The following GPC6 variants were observed in gnomAD, a reference collection of about 807,000 sequenced individuals.
GPC6 encodes the protein glypican 6.
In GPC6, 14 loss-of-function variants were observed where a neutral mutation model predicts 55.2. The observed-to-expected ratio is 0.25, with a 90% CI of 0.17 to 0.40. The LOEUF (loss-of-function observed/expected upper bound fraction) is 0.40. Among genes scored for constraint, GPC6 ranks in the 10% least tolerant of loss-of-function variants. The pLI is 1.00. For missense variants in GPC6, 641 were observed against 708.5 expected (o/e 0.90, Z 1.08); for synonymous variants, 278 against 259.6 (o/e 1.07, Z -0.68).
Position 93,453,730 on chromosome 13 carries a change from C to T in GPC6, c.161-91533C>T, listed in dbSNP as rs144889247. Among the ~76,000 whole-genome samples, 1,442 of 151,732 alleles carry T rather than the reference C, an allele frequency of 9.5e-3. 24 individuals carry two copies. The highest frequency in any genetic ancestry group is 0.033 in the African/African-American group (1,367 of 41,364). On this transcript the variant is annotated intron_variant, in intron 1 of 8. Coordinates refer to ENST00000377047, the MANE Select transcript of GPC6 (RefSeq NM_005708.5). ...TGCGTCTGGAGTTGTTCGTTCCTCC[C>T]GGTGGGCTCGTGGTCTGGCTGACTT...
intron 1 of GPC6, among the ~76,000 whole-genome samples, chr13:93,382,005 A>T (rs548340930): frequency 1.3e-5 from 2 of 152,176 alleles, no homozygotes; most frequent in Non-Finnish European, 2.9e-5. Flanking sequence ...GTCCAATTTG[A>T]ATTTACTTTA....
At chr13:93,992,384 C>T (rs1468143599) in intron 3 of GPC6, among the ~76,000 whole-genome samples, 1 of 152,108 alleles carries the variant, frequency 6.6e-6, no homozygotes, top group Non-Finnish European at 1.5e-5. Context: ...CTGGTTCCTT[C>T]ACATAGAAGT....
intron 1 of GPC6, among the ~76,000 whole-genome samples, chr13:93,311,965 A>G (rs1318190017): frequency 6.6e-6 from 1 of 152,206 alleles, no homozygotes; most frequent in Admixed American, 6.5e-5. Flanking sequence ...AAGAAGCTAA[A>G]GAGAAAATGC....
chr13:93,966,301 T>A (rs780765092), intron 3 of GPC6, among the ~76,000 whole-genome samples: 2 of 152,226 alleles, frequency 1.3e-5, no homozygotes, highest in African/African-American at 4.8e-5. Context: ...CTCAAAGAAT[T>A]GAGTGGGTCC....
intron 1 of GPC6, among the ~76,000 whole-genome samples, chr13:93,364,713 A>G (rs979381736): frequency 3.6e-4 from 55 of 151,248 alleles, no homozygotes; most frequent in African/African-American, 1.2e-3. Context: ...ACACATATAT[A>G]TACACACACA....
chr13:94,293,544 T>C (rs1202183654), intron 5 of GPC6, among the ~76,000 whole-genome samples: 1 of 152,200 alleles, frequency 6.6e-6, no homozygotes, highest in Non-Finnish European at 1.5e-5. Context: ...TTACCCAGTC[T>C]TGGGCAGTTC....
chr13:94,017,727 G>A (rs893567357), intron 3 of GPC6, among the ~76,000 whole-genome samples: 3 of 152,044 alleles, frequency 2.0e-5, no homozygotes, highest in Non-Finnish European at 4.4e-5. Context: ...CACCCAGGCT[G>A]GAGTGCAGTG....
At chr13:94,305,002 A>G (rs973989088) in intron 5 of GPC6, among the ~76,000 whole-genome samples, 1 of 152,232 alleles carries the variant, frequency 6.6e-6, no homozygotes, top group Non-Finnish European at 1.5e-5. Flanking sequence ...GTGCTATACA[A>G]TGAAATAATT....
intron 1 of GPC6, among the ~76,000 whole-genome samples, chr13:93,543,282 C>A (rs1882403280): frequency 6.6e-6 from 1 of 152,126 alleles, no homozygotes. Flanking sequence ...TTGAGATAAT[C>A]ATGTGGTTTT....
intron 2 of GPC6, among the ~76,000 whole-genome samples, chr13:93,728,690 C>T (rs1201343455): frequency 6.6e-6 from 1 of 152,016 alleles, no homozygotes; most frequent in African/African-American, 2.4e-5. Flanking sequence ...CCTCAGCCTC[C>T]CAAGTAGCTG....
intron 1 of GPC6, among the ~76,000 whole-genome samples, chr13:93,368,111 T>C (rs888649129): frequency 1.3e-5 from 2 of 152,124 alleles, no homozygotes; most frequent in Non-Finnish European, 2.9e-5. Flanking sequence ...AGCTCTGTTT[T>C]TTGTTGCAAA....
chr13:93,709,393 T>A (rs1193060736), intron 2 of GPC6, among the ~76,000 whole-genome samples: 1 of 151,786 alleles, frequency 6.6e-6, no homozygotes, highest in Non-Finnish European at 1.5e-5. Flanking sequence ...ACCCTCTTGG[T>A]AATAACCTTA....
intron 2 of GPC6, among the ~76,000 whole-genome samples, chr13:93,655,267 A>C (rs1195155420): frequency 1.3e-5 from 2 of 152,082 alleles, no homozygotes; most frequent in Non-Finnish European, 2.9e-5. Context: ...TTTCATTGCC[A>C]CATATACCCT....
At chr13:93,956,061 C>A (rs997076618) in intron 3 of GPC6, among the ~76,000 whole-genome samples, 7 of 152,128 alleles carry the variant, frequency 4.6e-5, no homozygotes, top group African/African-American at 1.7e-4. Context: ...GGATGGTTGA[C>A]AGAGATGAAA....
chr13:94,175,953 TATAGAGAGAG>T (rs1211734785), intron 4 of GPC6, among the ~76,000 whole-genome samples: 2 of 106,570 alleles, frequency 1.9e-5, no homozygotes, highest in Non-Finnish European at 4.1e-5. Context: ...TATATATATA[TATAGAGAGAG>T]AGAGAGAGAG....
chr13:93,895,588 A>G (rs995010320), intron 3 of GPC6, among the ~76,000 whole-genome samples: 1 of 151,950 alleles, frequency 6.6e-6, no homozygotes, highest in Non-Finnish European at 1.5e-5. Flanking sequence ...ATTTTAAGGC[A>G]AGTGCATTTA....
At chr13:93,705,619 T>C (rs1882822771) in intron 2 of GPC6, among the ~76,000 whole-genome samples, 1 of 151,680 alleles carries the variant, frequency 6.6e-6, no homozygotes, top group South Asian at 2.1e-4. Flanking sequence ...TGAGCCAGGA[T>C]GGAATTAAGT....
chr13:94,156,598 G>A (rs9589915), intron 4 of GPC6, among the ~76,000 whole-genome samples: 3,807 of 152,198 alleles, frequency 0.025, 128 homozygotes, highest in African/African-American at 0.073. Context: ...CTTTTCTGTT[G>A]CTGCAAAGTC....
chr13:93,369,348 A>G (rs528573267), intron 1 of GPC6, among the ~76,000 whole-genome samples: 1 of 152,280 alleles, frequency 6.6e-6, no homozygotes, highest in South Asian at 2.1e-4. Flanking sequence ...GGGAAAAGAT[A>G]TACGATGGAA....
Sources: gnomAD v4.1 joint callset for allele counts (sites outside exome capture counted in the v4.1 genomes callset) on GRCh38, gnomAD v4.1.1 for gene constraint, MANE v1.5 for transcripts, NCBI Gene and HGNC (gene_info 2026-07-23, HGNC 2026-07-21) for gene names.